The following LDLRAD4 variants were observed in gnomAD, a reference collection of about 807,000 sequenced individuals.
LDLRAD4 encodes low-density lipoprotein receptor class A domain-containing protein 4.
LDLRAD4 carries 5 observed loss-of-function variants against 17.0 expected under a neutral mutation model. That is an observed-to-expected ratio of 0.29 (90% CI 0.15 to 0.62). LDLRAD4 has a LOEUF of 0.62. LDLRAD4 is among the 20% of genes least tolerant of loss of function. LDLRAD4 has a pLI of 0.84. For missense variants in LDLRAD4, 340 were observed against 424.7 expected (o/e 0.80, Z 1.75); for synonymous variants, 168 against 171.8 (o/e 0.98, Z 0.17).
At chr18:13,490,365 T>C (rs1340498995) in intron 3 of LDLRAD4, 1 of 152,216 alleles carries the variant, frequency 6.6e-6, no homozygotes, top group Non-Finnish European at 1.5e-5. Context: ...GGAAGGTGGA[T>C]GTATAATAGA....
chr18:13,604,526 A>T (rs2095200898), intron 3 of LDLRAD4, among the ~76,000 whole-genome samples: 2 of 152,212 alleles, frequency 1.3e-5, no homozygotes. Flanking sequence ...TTATGGGGTT[A>T]AAAACTGAGA....
At chr18:13,634,943 G>T (rs1183180945) in intron 4 of LDLRAD4, among the ~76,000 whole-genome samples, 4 of 152,186 alleles carry the variant, frequency 2.6e-5, no homozygotes, top group African/African-American at 7.2e-5. Flanking sequence ...ATATGGTCAA[G>T]TAATTTTCAG....
At chr18:13,455,298 G>GA (rs2092068197) in intron 3 of LDLRAD4, among the ~76,000 whole-genome samples, 2 of 152,296 alleles carry the variant, frequency 1.3e-5, no homozygotes, top group East Asian at 3.9e-4. Context: ...GATAGGCAGC[G>GA]AAAACTGCCA....
intron 1 of LDLRAD4, among the ~76,000 whole-genome samples, chr18:13,316,185 A>G (rs185839174): frequency 2.6e-4 from 39 of 152,360 alleles, no homozygotes; most frequent in Admixed American, 2.4e-3. Flanking sequence ...CACACCTGAC[A>G]TGTCACTGCA....
intron 1 of LDLRAD4, among the ~76,000 whole-genome samples, chr18:13,346,192 TC>T (rs2082676956): frequency 1.3e-5 from 2 of 152,364 alleles, no homozygotes; most frequent in South Asian, 4.1e-4. Flanking sequence ...TTTTAGATCT[TC>T]CTGCTTTCTC....
intron 4 of LDLRAD4, among the ~76,000 whole-genome samples, chr18:13,635,796 G>A (rs1402565348): frequency 6.6e-6 from 1 of 152,230 alleles, no homozygotes; most frequent in Non-Finnish European, 1.5e-5. Context: ...CAGCCCCTCA[G>A]GGTGGTCCCT....
chr18:13,421,586 G>A (rs888519701), intron 2 of LDLRAD4, among the ~76,000 whole-genome samples: 6 of 152,142 alleles, frequency 3.9e-5, no homozygotes, highest in Non-Finnish European at 7.4e-5. Flanking sequence ...TAGGCATCTG[G>A]TAGCCGAGAA....
chr18:13,509,763 G>T (rs1194265797), intron 3 of LDLRAD4, among the ~76,000 whole-genome samples: 2 of 152,160 alleles, frequency 1.3e-5, no homozygotes, highest in African/African-American at 4.8e-5. Flanking sequence ...AATCAATGAG[G>T]CACTCTTCAT....
intron 3 of LDLRAD4, among the ~76,000 whole-genome samples, chr18:13,584,351 ACTCT>A (rs1051065572): frequency 6.6e-6 from 1 of 151,824 alleles, no homozygotes; most frequent in Non-Finnish European, 1.5e-5. Context: ...GCCTTCTTCC[ACTCT>A]CTCTTCTTCC....
exon 6 of LDLRAD4, chr18:13,648,695 A>G (rs2043111545): frequency 6.6e-6 from 1 of 152,174 alleles, no homozygotes; most frequent in Non-Finnish European, 1.5e-5. Context: ...AATCAATGAT[A>G]GGTTTATAAT....
Position 13,367,699 on chromosome 18 carries a change from C to A in LDLRAD4, c.-382-19642C>A, listed in dbSNP as rs1027161992. Among the ~76,000 whole-genome samples, 1 of 151,454 alleles carries A rather than the reference C, an allele frequency of 6.6e-6. No individual in the cohort carries two copies. The highest frequency in any genetic ancestry group is 1.5e-5 in the Non-Finnish European group (1 of 67,902). Reference sequence around the variant, plus strand: ...GGGGACAGCCGGGCACGGGGGCACACGTTGTCAAGGGATATACCGAGAGGA... The same window carrying A: ...GGGGACAGCCGGGCACGGGGGCACAAGTTGTCAAGGGATATACCGAGAGGA... On this transcript the variant is annotated intron_variant, in intron 1 of 5. Coordinates refer to ENST00000359446, the Ensembl canonical transcript of LDLRAD4. The surrounding 1 kb of genome is among the most constrained non-coding windows in gnomAD (Gnocchi z 4.1).
intron 1 of LDLRAD4, among the ~76,000 whole-genome samples, chr18:13,281,586 G>A (rs139506399): frequency 1.9e-3 from 294 of 152,276 alleles, no homozygotes; most frequent in African/African-American, 6.6e-3. Flanking sequence ...GGAAGCTGTG[G>A]GTCAGAGCTT....
intron 2 of LDLRAD4, among the ~76,000 whole-genome samples, chr18:13,415,187 C>T (rs2088762713): frequency 6.6e-6 from 1 of 152,146 alleles, no homozygotes; most frequent in African/African-American, 2.4e-5. Context: ...GCCCTGAGCC[C>T]CAGAAATGCT....
chr18:13,346,798 T>C (rs557772376), intron 1 of LDLRAD4, among the ~76,000 whole-genome samples: 81 of 152,348 alleles, frequency 5.3e-4, no homozygotes, highest in African/African-American at 1.7e-3. Flanking sequence ...TAGTTAGCTC[T>C]TCTTGTTGAA....
At chr18:13,510,822 G>A (rs147932859) in intron 3 of LDLRAD4, among the ~76,000 whole-genome samples, 52 of 152,318 alleles carry the variant, frequency 3.4e-4, no homozygotes, top group African/African-American at 1.2e-3. Context: ...AAGCAGAGAG[G>A]CACTACCTGG....
intron 1 of LDLRAD4, among the ~76,000 whole-genome samples, chr18:13,289,716 T>TG (rs1412404716): frequency 3.3e-5 from 5 of 152,222 alleles, no homozygotes; most frequent in Non-Finnish European, 7.3e-5. Flanking sequence ...CCTGAGCCAT[T>TG]GGGACTGCCG....
chr18:13,599,486 A>ATT (rs35131642), intron 3 of LDLRAD4, among the ~76,000 whole-genome samples: 76 of 81,752 alleles, frequency 9.3e-4, no homozygotes, highest in Middle Eastern at 6.6e-3. Context: ...TGAGTCTCCA[A>ATT]TTTTTTTTTT....
intron 3 of LDLRAD4, among the ~76,000 whole-genome samples, chr18:13,469,436 T>C (rs2092709340): frequency 6.6e-6 from 1 of 152,228 alleles, no homozygotes. Flanking sequence ...TTGTACCCAC[T>C]GTTCATTACA....
At chr18:13,473,120 G>C (rs1055325021) in intron 3 of LDLRAD4, among the ~76,000 whole-genome samples, 2 of 151,212 alleles carry the variant, frequency 1.3e-5, no homozygotes, top group East Asian at 3.9e-4. Context: ...TTTGAAGGCA[G>C]AATATAGTTC....
Sources: gnomAD v4.1 joint callset for allele counts (sites outside exome capture counted in the v4.1 genomes callset) on GRCh38, gnomAD v4.1.1 for gene constraint, Gnocchi (gnomAD v3.1) non-coding constraint, MANE v1.5 for transcripts, NCBI Gene and HGNC (gene_info 2026-07-23, HGNC 2026-07-21) for gene names.